The following QSOX1 variants were observed in gnomAD, a reference collection of about 807,000 sequenced individuals.
QSOX1 encodes the protein quiescin sulfhydryl oxidase 1, also known as sulfhydryl oxidase 1.
In QSOX1, 40 loss-of-function variants were observed where a neutral mutation model predicts 76.1. That is an observed-to-expected ratio of 0.53 (90% confidence interval 0.41 to 0.68). The LOEUF (loss-of-function observed/expected upper bound fraction) is 0.68, where lower values mean the gene tolerates loss of function less well. QSOX1 is among the 30% of genes least tolerant of loss of function. The probability of loss-of-function intolerance (pLI) is 0.00; values close to 1 mark genes in which losing one functional copy is unlikely to be tolerated. For synonymous variants in QSOX1, 392 were observed against 413.1 expected, an observed-to-expected ratio of 0.95 and a Z score of 0.62; for missense variants, 931 against 974.3, an observed-to-expected ratio of 0.96 and a Z score of 0.59.
intron 4 of QSOX1, among the ~76,000 whole-genome samples, chr1:180,176,380 A>G (rs887351908): frequency 5.3e-5 from 8 of 152,204 alleles, no homozygotes; most frequent in Non-Finnish European, 7.3e-5. Flanking sequence ...TGTTTGCGGG[A>G]CGCAGCAGGA....
Position 180,200,947 on chromosome 1 carries a change from G to A in QSOX1, c.*3910G>A, listed in dbSNP as rs987551729. ...TGTTGTGTGTTGGTGTCAAGGAGTG[G>A]GGACACCCTGAAGGAATCCGCCTTT... is the stretch of plus-strand genomic sequence containing the variant. On this transcript the variant is annotated 3_prime_UTR_variant, in exon 12 of 12. Coordinates refer to ENST00000367602, the MANE Select transcript of QSOX1 (RefSeq NM_002826.5). 6.6e-6 allele frequency: 1 copy of A among 152,204 alleles called. No homozygotes were observed. The highest frequency in any genetic ancestry group is 2.4e-5 in the African/African-American group (1 of 41,450). The allele number at this position is 152,204 out of a possible 1,614,324, so 9.4% of individuals were successfully genotyped here.
At chr1:180,191,369 C>A (rs1047001364) in intron 10 of QSOX1, among the ~76,000 whole-genome samples, 3 of 152,172 alleles carry the variant, frequency 2.0e-5, no homozygotes, top group African/African-American at 4.8e-5. Context: ...GGGAAGGGGC[C>A]CGAGGCCTTA....
rs74644005 is a variant in QSOX1 at position 180,198,753 on chromosome 1, C to A, written c.*1716C>A. The A allele has an allele frequency of 0.025, 6,361 of 257,720 alleles. 100 individuals carry two copies. Among genetic ancestry groups the A allele is most frequent in the Non-Finnish European group, 0.033 (4,169 of 127,760 alleles). 16.0% of individuals were successfully genotyped at this position (257,720 alleles called of 1,614,324 possible). On this transcript the variant is annotated 3_prime_UTR_variant, in exon 12 of 12. Transcript: ENST00000367602. ...CTGGTTGTGCTCTGCACCCCCTGCT[C>A]CCTTGGGCTGGCCCTGGCTGGGGGC...
In QSOX1 at chr1:180,154,899, G is replaced by A. The variant is rs979127176; in HGVS notation, c.-9G>A. 1 of 1,429,554 alleles carries A rather than the reference G, an allele frequency of 7.0e-7. No homozygotes were observed. Among genetic ancestry groups the A allele is most frequent in the East Asian group, 2.9e-5 (1 of 34,062 alleles). 88.6% of individuals were successfully genotyped at this position (1,429,554 alleles called of 1,614,324 possible). A position where few individuals can be genotyped will look rare whatever the true frequency, so the allele number is the denominator to read the frequency against. On this transcript the variant is annotated 5_prime_UTR_variant, in exon 1 of 12. Coordinates refer to ENST00000367602, the MANE Select transcript of QSOX1 (RefSeq NM_002826.5). ...GTGCTTGCGTGTGGTGGTGAGCGCA[G>A]CGCCGAGGATGAGGAGGTGCAACAG...
At chr1:180,163,568 C>T (rs12033579) in intron 1 of QSOX1, among the ~76,000 whole-genome samples, 2 of 152,126 alleles carry the variant, frequency 1.3e-5, no homozygotes, top group Admixed American at 1.3e-4. Flanking sequence ...CTATGCCATA[C>T]AAAAACAAGA....
chr1:180,191,883 T>C (rs1266541134), intron 10 of QSOX1, among the ~76,000 whole-genome samples: 2 of 151,946 alleles, frequency 1.3e-5, no homozygotes, highest in African/African-American at 2.4e-5. Context: ...TTCTGGAGGC[T>C]GAAGTGCAAG....
chr1:180,165,678 C>A (rs930802566), intron 1 of QSOX1, among the ~76,000 whole-genome samples: 1 of 152,248 alleles, frequency 6.6e-6, no homozygotes, highest in Non-Finnish European at 1.5e-5. Context: ...CTGTGCGCAC[C>A]TTGGCTTCCA....
chr1:180,182,255 G>A lies in QSOX1; in HGVS notation c.688G>A (p.Gly230Ser), dbSNP rs757818039. Residue 230 changes from glycine (G) to serine (S), a missense_variant, in exon 6 of 12, where the codon GGT becomes AGT. Coordinates refer to ENST00000367602, the MANE Select transcript of QSOX1 (RefSeq NM_002826.5). ...NTEANVVRKFGVTDFPSCYLL... is the reference protein window; with the variant it reads ...NTEANVVRKFSVTDFPSCYLL... ...AGAGGCCAATGTGGTGAGAAAGTTT[G>A]GTGTCACCGACTTCCCCTCTTGCTA... 6.2e-7 allele frequency: 1 copy of A among 1,614,222 alleles called. No individual in the cohort carries two copies.
At chr1:180,194,190 G>A (rs374453703) in intron 10 of QSOX1, 23 bp from the exon 11 acceptor site, 37 of 1,594,456 alleles carry the variant, frequency 2.3e-5, no homozygotes, top group Middle Eastern at 2.1e-4. Flanking sequence ...GGGCTGGTGC[G>A]TGGCATCTCC....
In QSOX1 at chr1:180,196,631, T is replaced by G. The variant is rs1663498700; in HGVS notation, c.1838T>G (p.Leu613Arg). ...ASRPPKLHPG[L>R]RAAPGQEPPE... The stretch of plus-strand genomic sequence containing the variant: ...CGACCCCCGAAGCTGCACCCTGGCC[T>G]CAGAGCTGCACCAGGCCAGGAGCCT... The change falls in exon 12 of 12, where the codon CTC (leucine) becomes CGC (arginine). Residue 613 changes from leucine to arginine, a missense_variant. Coordinates refer to ENST00000367602, the MANE Select transcript of QSOX1 (RefSeq NM_002826.5). The surrounding 1 kb of genome is among the most constrained non-coding windows in gnomAD (Gnocchi z 4.1). 1 of 1,614,022 alleles carries G rather than the reference T, an allele frequency of 6.2e-7. No individual in the cohort carries two copies. The highest frequency in any genetic ancestry group is 1.7e-5 in the Admixed American group (1 of 60,008).
At chr1:180,155,916 G>C (rs1477906632) in intron 1 of QSOX1, among the ~76,000 whole-genome samples, 1 of 152,160 alleles carries the variant, frequency 6.6e-6, no homozygotes, top group African/African-American at 2.4e-5. Context: ...CCAATCCCTG[G>C]TTGGGGCACC....
Position 180,188,081 on chromosome 1 carries a change from C to A in QSOX1, c.1018-1471C>A, listed in dbSNP as rs114245330. ...GTTTCATAGAAGGTGAAACAAAGCC[C>A]CAGAGAACTAAAGCACCTTGCCAGG... On this transcript the variant is annotated intron_variant, in intron 8 of 11. Transcript: ENST00000367602. Among the ~76,000 whole-genome samples, 940 of 152,302 alleles carry A rather than the reference C, an allele frequency of 6.2e-3. 10 individuals carry two copies. Among genetic ancestry groups the A allele is most frequent in the African/African-American group, 0.021 (889 of 41,566 alleles).
intron 4 of QSOX1, among the ~76,000 whole-genome samples, chr1:180,177,155 A>C (rs1572045841): frequency 6.6e-6 from 1 of 151,670 alleles, no homozygotes; most frequent in South Asian, 2.1e-4. Flanking sequence ...CTCCCTCCTT[A>C]CACACACACG....
intron 7 of QSOX1, 91 bp downstream of exon 7, chr1:180,184,141 C>T: frequency 1.4e-6 from 2 of 1,476,274 alleles, no homozygotes; most frequent in South Asian, 1.2e-5. Flanking sequence ...GCTCATTCTT[C>T]TTCCTTGTCA....
In QSOX1 at chr1:180,196,134, T is replaced by A; in HGVS notation, c.1469-128T>A. ...GTAATCTGTATTTTCTAATTACCCA[T>A]CCTCTGGAAGGGCAGTGGCGAGCCC... On this transcript the variant is annotated intron_variant, in intron 11 of 11. Transcript: ENST00000367602. The surrounding 1 kb of genome is among the most constrained non-coding windows in gnomAD (Gnocchi z 4.1). 1 of 1,181,064 alleles carries A rather than the reference T, an allele frequency of 8.5e-7. No homozygotes were observed. Among genetic ancestry groups the A allele is most frequent in the Admixed American group, 2.6e-5 (1 of 38,238 alleles). 73.2% of individuals were successfully genotyped at this position (1,181,064 alleles called of 1,614,324 possible). A position where few individuals can be genotyped will look rare whatever the true frequency, so the allele number is the denominator to read the frequency against.
At chr1:180,156,591 A>G (rs1662380759) in intron 1 of QSOX1, among the ~76,000 whole-genome samples, 1 of 152,220 alleles carries the variant, frequency 6.6e-6, no homozygotes, top group South Asian at 2.1e-4. Flanking sequence ...TACATCTTTT[A>G]GCCATATGGT....
At position 180,198,686 on chromosome 1, in the gene QSOX1, C is replaced by T. The variant is rs751617331; in HGVS notation, c.*1649C>T. On this transcript the variant is annotated 3_prime_UTR_variant, in exon 12 of 12. Transcript: ENST00000367602. ...TTGCTGGGCTCCTGGGTTGGACTCC[C>T]TCTCTGTGCCCCTGCTCCAGGCACC... The T allele has an allele frequency of 9.1e-6, 3 of 329,010 alleles. No homozygotes were observed. The highest frequency in any genetic ancestry group is 4.3e-5 in the African/African-American group (2 of 46,358). The allele number at this position is 329,010 out of a possible 1,614,324, so 20.4% of individuals were successfully genotyped here.
rs116149785 is a variant in QSOX1 at position 180,157,119 on chromosome 1, A to C, written c.265+1947A>C. Among the ~76,000 whole-genome samples the C allele has an allele frequency of 1.1e-3, 163 of 152,338 alleles. 1 individual carries two copies. Among genetic ancestry groups the C allele is most frequent in the African/African-American group, 3.5e-3 (147 of 41,574 alleles). On this transcript the variant is annotated intron_variant, in intron 1 of 11. Transcript: ENST00000367602. The stretch of plus-strand genomic sequence containing the variant: ...AGTGCATGGAGCCTTTCTCTAAAAT[A>C]AGAAAGCGAAATCAGAATTTAACCT...
intron 1 of QSOX1, 37 bp from the exon 2 acceptor site, chr1:180,166,454 C>T: frequency 6.5e-7 from 1 of 1,549,200 alleles, no homozygotes; most frequent in Non-Finnish European, 8.9e-7. Flanking sequence ...GGGGTACCAG[C>T]CCCTCTTATT....
Sources: gnomAD v4.1 joint callset for allele counts (sites outside exome capture counted in the v4.1 genomes callset) on GRCh38, gnomAD v4.1.1 for gene constraint, Gnocchi (gnomAD v3.1) non-coding constraint, MANE v1.5 for transcripts, NCBI Gene and HGNC (gene_info 2026-07-23, HGNC 2026-07-21) for gene names.